Variants in TGFBR3 observed in about 807,000 individuals in gnomAD.
The protein encoded by TGFBR3 is transforming growth factor beta receptor type 3.
Under a neutral mutation model 87.9 loss-of-function variants are expected in TGFBR3, and 46 were observed. The ratio of observed to expected loss-of-function variants is 0.52; its 90% CI spans 0.41 to 0.67. TGFBR3 has a LOEUF of 0.67. Ranked by LOEUF, TGFBR3 falls within the 30% of genes least tolerant of loss-of-function variation. TGFBR3 has a pLI of 0.00. For synonymous variants in TGFBR3, 381 were observed against 391.6 expected, an observed-to-expected ratio of 0.97 and a Z score of 0.32; for missense variants, 866 against 1,041.9, an observed-to-expected ratio of 0.83 and a Z score of 2.32.
At chr1:91,743,069 C>T (rs1673210637) in intron 4 of TGFBR3, among the ~76,000 whole-genome samples, 1 of 152,176 alleles carries the variant, frequency 6.6e-6, no homozygotes. Flanking sequence ...AGCGGATCCA[C>T]GGAAGCCTCA....
At chr1:91,902,157 A>G (rs113520692) in intron 1 of TGFBR3, among the ~76,000 whole-genome samples, 180 of 152,302 alleles carry the variant, frequency 1.2e-3, no homozygotes, top group Middle Eastern at 3.4e-3. Context: ...TGTTTAATAA[A>G]TGGTTAGCTG....
chr1:91,697,551 T>C (rs1671475630), intron 15 of TGFBR3, among the ~76,000 whole-genome samples: 1 of 152,220 alleles, frequency 6.6e-6, no homozygotes, highest in African/African-American at 2.4e-5. Flanking sequence ...AATAATGAAA[T>C]TGGCCTAGAC....
chr1:91,786,466 G>A (rs995758331), intron 3 of TGFBR3, among the ~76,000 whole-genome samples: 5 of 152,128 alleles, frequency 3.3e-5, no homozygotes, highest in Non-Finnish European at 7.4e-5. Flanking sequence ...AAGAGAATGG[G>A]CAGGCCAGGT....
upstream of TGFBR3, chr1:91,886,314 T>C: frequency 2.6e-6 from 1 of 386,578 alleles, no homozygotes; most frequent in South Asian, 1.9e-5. Flanking sequence ...GCCTCCCGCC[T>C]CCCGCCTCCT....
chr1:91,797,167 C>T, intron 3 of TGFBR3, 120 bp downstream of exon 3: 1 of 1,111,826 alleles, frequency 9.0e-7, no homozygotes, highest in South Asian at 1.2e-5. Context: ...AATCTGTTCT[C>T]TTATGTTCAT....
intron 14 of TGFBR3, among the ~76,000 whole-genome samples, chr1:91,705,417 GA>G (rs1320518991): frequency 6.6e-6 from 1 of 151,584 alleles, no homozygotes; most frequent in Non-Finnish European, 1.5e-5. Context: ...TTTAGGTAGA[GA>G]CAGGGTTTCA....
chr1:91,846,999 A>T (rs1677526880), intron 2 of TGFBR3, among the ~76,000 whole-genome samples: 1 of 152,182 alleles, frequency 6.6e-6, no homozygotes, highest in Non-Finnish European at 1.5e-5. Context: ...AAGCAGAATG[A>T]CCACCACCTG....
In TGFBR3 at chr1:91,680,863, C is replaced by A. The variant is rs947802603; in HGVS notation, c.*2876G>T. ...TCTTATTACAAGGCAAAGAAAAAAA[C>A]CATTTTTTTTGTTTAGAAAATGCTA... On this transcript the variant is annotated 3_prime_UTR_variant, in exon 17 of 17. Coordinates refer to ENST00000212355, the MANE Select transcript of TGFBR3 (RefSeq NM_003243.5). The A allele has an allele frequency of 2.2e-5, 10 of 447,724 alleles. No individual in the cohort carries two copies. Among genetic ancestry groups the A allele is most frequent in the African/African-American group, 1.6e-4 (8 of 49,696 alleles). The allele number at this position is 447,724 out of a possible 1,614,324, so 27.7% of individuals were successfully genotyped here.
intron 14 of TGFBR3, among the ~76,000 whole-genome samples, chr1:91,699,177 T>C (rs1339199146): frequency 6.6e-6 from 1 of 152,190 alleles, no homozygotes. Context: ...GGGCTCCCCA[T>C]ACTTAGTAAT....
At chr1:91,817,900 A>G (rs1676293777) in intron 2 of TGFBR3, among the ~76,000 whole-genome samples, 2 of 149,834 alleles carry the variant, frequency 1.3e-5, no homozygotes, top group African/African-American at 2.5e-5. Context: ...AAAAAAGTCA[A>G]TATACTTGAT....
At chr1:91,860,549 G>A (rs921105017) in intron 2 of TGFBR3, among the ~76,000 whole-genome samples, 3 of 152,132 alleles carry the variant, frequency 2.0e-5, no homozygotes, top group African/African-American at 7.2e-5. Context: ...ACACTAAGAT[G>A]GTGGTGTGGG....
At chr1:91,904,649 C>T (rs1187742743) in intron 1 of TGFBR3, among the ~76,000 whole-genome samples, 1 of 150,808 alleles carries the variant, frequency 6.6e-6, no homozygotes, top group Non-Finnish European at 1.5e-5. Flanking sequence ...ACTGCATCCT[C>T]TGCCTCCTGA....
chr1:91,734,709 T>C (rs928583964), intron 5 of TGFBR3, 67 bp downstream of exon 5: 3 of 1,582,480 alleles, frequency 1.9e-6, no homozygotes, highest in African/African-American at 2.7e-5. Flanking sequence ...CCTAACCACC[T>C]GGTTTCAGAA....
chr1:91,758,602 T>G lies in TGFBR3; in HGVS notation c.384+11A>C, dbSNP rs750583192. 6.2e-7 allele frequency: 1 copy of G among 1,613,884 alleles called. No individual in the cohort carries two copies. The highest frequency in any genetic ancestry group is 8.5e-7 in the Non-Finnish European group (1 of 1,179,820). On this transcript the variant is annotated intron_variant, in intron 4 of 16. Transcript: ENST00000212355. Reference sequence around the variant, plus strand: ...GCTAAGGATCAGTTTGGGGGAGGTTTAAGCACTTACCAAAAACAGTCTGGA... The same window carrying G: ...GCTAAGGATCAGTTTGGGGGAGGTTGAAGCACTTACCAAAAACAGTCTGGA...
intron 1 of TGFBR3, among the ~76,000 whole-genome samples, chr1:91,900,273 C>G (rs1379694381): frequency 6.6e-6 from 1 of 152,080 alleles, no homozygotes; most frequent in Admixed American, 6.6e-5. Context: ...GCCACCACAC[C>G]TGGCTAATTT....
At chr1:91,903,969 T>C (rs180683940) in intron 1 of TGFBR3, among the ~76,000 whole-genome samples, 108 of 151,992 alleles carry the variant, frequency 7.1e-4, no homozygotes, top group African/African-American at 2.6e-3. Flanking sequence ...AGCTCAGGAG[T>C]TCGAGACCAG....
chr1:91,774,416 G>C (rs116227954), intron 3 of TGFBR3, among the ~76,000 whole-genome samples: 7 of 152,142 alleles, frequency 4.6e-5, no homozygotes, highest in Non-Finnish European at 1.0e-4. Flanking sequence ...GATTATAGGC[G>C]TAAGCCACTG....
At chr1:91,810,038 T>C (rs1439820113) in intron 2 of TGFBR3, among the ~76,000 whole-genome samples, 1 of 152,160 alleles carries the variant, frequency 6.6e-6, no homozygotes. Context: ...GCTCAGTTGC[T>C]GTGGTTCAGA....
intron 4 of TGFBR3, among the ~76,000 whole-genome samples, chr1:91,740,952 T>C (rs1673140042): frequency 6.6e-6 from 1 of 152,254 alleles, no homozygotes; most frequent in Non-Finnish European, 1.5e-5. Flanking sequence ...TGCAAGAGTG[T>C]ATAGGAGAAA....
Sources: allele counts gnomAD v4.1 joint callset (sites outside exome capture counted in the v4.1 genomes callset), GRCh38; gene constraint gnomAD v4.1.1; transcripts MANE v1.5; gene names NCBI Gene and HGNC (gene_info 2026-07-23, HGNC 2026-07-21).